KIF3A: variants seen among roughly 807,000 people sequenced by gnomAD.
The protein encoded by KIF3A is kinesin-like protein KIF3A.
In KIF3A, 27 loss-of-function variants were observed where a neutral mutation model predicts 92.6. The observed-to-expected ratio is 0.29, with a 90% CI of 0.21 to 0.40. KIF3A has a LOEUF of 0.40. KIF3A is among the 10% of genes least tolerant of loss of function. The pLI is 1.00. For synonymous variants in KIF3A, 250 were observed against 275.4 expected (o/e 0.91, Z 0.92); for missense variants, 581 against 872.6 (o/e 0.67, Z 4.21).
chr5:132,728,511 C>T (rs2149918983), intron 2 of KIF3A, among the ~76,000 whole-genome samples: 1 of 152,164 alleles, frequency 6.6e-6, no homozygotes, highest in East Asian at 1.9e-4. Flanking sequence ...CCAAGGAGGG[C>T]AGATCACTTG....
intron 1 of KIF3A, 80 bp from the exon 2 acceptor site, chr5:132,734,558 G>C: frequency 7.5e-7 from 1 of 1,339,038 alleles, no homozygotes; most frequent in East Asian, 2.5e-5. Context: ...AACTTTAAAA[G>C]GCTACTTTTC....
chr5:132,736,467 T>C (rs1314453200), intron 1 of KIF3A, among the ~76,000 whole-genome samples: 1 of 152,202 alleles, frequency 6.6e-6, no homozygotes, highest in Non-Finnish European at 1.5e-5. Flanking sequence ...ATATGTATGA[T>C]TTTCACCTCT....
intron 8 of KIF3A, among the ~76,000 whole-genome samples, chr5:132,713,660 A>G (rs1041706491): frequency 2.6e-5 from 4 of 152,198 alleles, no homozygotes; most frequent in African/African-American, 9.6e-5. Context: ...TCAAACAGGT[A>G]TTAGTATACC....
At chr5:132,724,805 AAATATAT>A (rs1392572731) in intron 4 of KIF3A, among the ~76,000 whole-genome samples, 17 of 16,692 alleles carry the variant, frequency 1.0e-3, no homozygotes, top group African/African-American at 2.8e-3. Flanking sequence ...AAAAAAAAAA[AAATATAT>A]ATATATATAT....
In KIF3A at chr5:132,737,433, C is replaced by G. The variant is rs373018322; in HGVS notation, c.-14G>C. On this transcript the variant is annotated 5_prime_UTR_variant, in exon 1 of 19. Transcript: ENST00000403231. The stretch of plus-strand genomic sequence containing the variant: ...CCTCACCGGCATCTTGGCCCCCTCC[C>G]GTGCCCGGCGGACGTCCCCGCCCGG... The G allele has an allele frequency of 1.2e-6, 2 of 1,605,350 alleles. No homozygotes were observed. Among genetic ancestry groups the G allele is most frequent in the Non-Finnish European group, 8.5e-7 (1 of 1,176,302 alleles).
chr5:132,701,325 C>T (rs549906357), intron 15 of KIF3A, among the ~76,000 whole-genome samples: 3 of 151,834 alleles, frequency 2.0e-5, no homozygotes, highest in African/African-American at 4.8e-5. Flanking sequence ...ATGGCTAAAC[C>T]CCATCTCTAC....
rs1752941081 is a variant in KIF3A at position 132,699,229 on chromosome 5, T to C, written c.2074A>G (p.Met692Val). ...GAAGTTCGTGGTCTTTCTAGTTTCA[T>C]CAAAGACTGACGCAGACTCTCCTCA... ...YTEESLRQSL[M>V]KLERPRTSKG... is the part of the protein sequence containing the mutation. Residue 692 changes from methionine to valine, a missense_variant, in exon 18 of 19, where the codon ATG becomes GTG. Physicochemically the swap from Met to Val is conservative, Grantham distance 21. Around this residue, in one of 5 missense-constraint regions of KIF3A, gnomAD observed 112 missense variants for 144.3 expected, o/e 0.78. Coordinates refer to ENST00000403231, the MANE Select transcript of KIF3A (RefSeq NM_001300791.2). 6.2e-7 allele frequency: 1 copy of C among 1,613,714 alleles called. No individual in the cohort carries two copies. Among genetic ancestry groups the C allele is most frequent in the Non-Finnish European group, 8.5e-7 (1 of 1,179,674 alleles).
intron 8 of KIF3A, 128 bp downstream of exon 8, chr5:132,715,627 GAA>G: frequency 1.6e-6 from 1 of 622,628 alleles, no homozygotes; most frequent in Non-Finnish European, 2.7e-6. Context: ...TCACTTTCTA[GAA>G]ATATTCATTT....
At chr5:132,737,299 T>A in intron 1 of KIF3A, 115 bp downstream of exon 1, 2 of 1,227,512 alleles carry the variant, frequency 1.6e-6, no homozygotes, top group Middle Eastern at 2.0e-4. Context: ...CGACCGAGCC[T>A]GCCCCGCCCC....
downstream of KIF3A, chr5:132,692,623 T>C (rs1752695367): frequency 1.3e-5 from 2 of 152,472 alleles, no homozygotes; most frequent in Admixed American, 1.3e-4. Flanking sequence ...AGACCACTAC[T>C]ACAGGCATTA....
intron 7 of KIF3A, 123 bp downstream of exon 7, chr5:132,716,122 G>A: frequency 1.1e-6 from 1 of 917,346 alleles, no homozygotes; most frequent in East Asian, 2.6e-5. Context: ...CCACAAAAAG[G>A]ACAACCACAA....
intron 10 of KIF3A, among the ~76,000 whole-genome samples, chr5:132,706,697 T>C (rs1753223808): frequency 6.6e-6 from 1 of 152,078 alleles, no homozygotes; most frequent in Non-Finnish European, 1.5e-5. Flanking sequence ...AAAGTTAACT[T>C]AGTCTTAGAT....
At chr5:132,708,431 T>C (rs927550712) in intron 10 of KIF3A, among the ~76,000 whole-genome samples, 3 of 152,286 alleles carry the variant, frequency 2.0e-5, no homozygotes, top group Admixed American at 6.5e-5. Flanking sequence ...GAGCCTTTAA[T>C]CTTAAGCTAC....
At chr5:132,724,792 TAA>T (rs756540926) in intron 4 of KIF3A, among the ~76,000 whole-genome samples, 24,322 of 64,274 alleles carry the variant, frequency 0.38, 5,123 homozygotes, top group South Asian at 0.45. Context: ...TAAAGTATAA[TAA>T]AAAAAAAAAA....
At chr5:132,718,586 A>G (rs1396876949) in intron 5 of KIF3A, among the ~76,000 whole-genome samples, 3 of 152,168 alleles carry the variant, frequency 2.0e-5, no homozygotes, top group East Asian at 3.9e-4. Context: ...CTGGGATTAT[A>G]TGCATGAGCC....
At chr5:132,735,785 T>C (rs1754370598) in intron 1 of KIF3A, among the ~76,000 whole-genome samples, 1 of 152,224 alleles carries the variant, frequency 6.6e-6, no homozygotes, top group African/African-American at 2.4e-5. Flanking sequence ...TGGTTTCCCA[T>C]AGATCTCAGA....
intron 5 of KIF3A, among the ~76,000 whole-genome samples, chr5:132,718,770 G>A (rs1351570644): frequency 6.6e-6 from 1 of 152,150 alleles, no homozygotes; most frequent in African/African-American, 2.4e-5. Context: ...GGGATTATAG[G>A]CGTAAGCCAC....
intron 18 of KIF3A, chr5:132,697,553 T>C (rs1176292616): frequency 6.6e-6 from 1 of 152,118 alleles, no homozygotes; most frequent in Non-Finnish European, 1.5e-5. Flanking sequence ...CGGTGGCTCA[T>C]GCCTGTAATC....
intron 2 of KIF3A, among the ~76,000 whole-genome samples, chr5:132,730,351 AGC>A (rs1038111402): frequency 1.3e-5 from 2 of 152,104 alleles, no homozygotes; most frequent in Admixed American, 6.6e-5. Flanking sequence ...CTGTAATCCC[AGC>A]TACCCAGGTG....
Sources: allele counts gnomAD v4.1 joint callset (sites outside exome capture counted in the v4.1 genomes callset), GRCh38; gene constraint gnomAD v4.1.1; regional missense constraint gnomAD v4.1.1; transcripts MANE v1.5; gene names NCBI Gene and HGNC (gene_info 2026-07-23, HGNC 2026-07-21).